The following GRIN2A variants were observed in gnomAD, a reference collection of about 807,000 sequenced individuals.
GRIN2A encodes glutamate receptor ionotropic, NMDA 2A.
GRIN2A carries 22 observed loss-of-function variants against 113.4 expected under a neutral mutation model. That is an observed-to-expected ratio of 0.19 (90% CI 0.14 to 0.28). The LOEUF (loss-of-function observed/expected upper bound fraction) is 0.28, where lower values mean the gene tolerates loss of function less well. Ranked by LOEUF, GRIN2A falls within the 10% of genes least tolerant of loss-of-function variation. GRIN2A has a pLI of 1.00. For synonymous variants in GRIN2A, 827 were observed against 738.4 expected (o/e 1.12, Z -1.94); for missense variants, 1,502 against 1,887.0 (o/e 0.80, Z 3.78).
At chr16:9,944,598 A>G (rs1384312870) in intron 2 of GRIN2A, among the ~76,000 whole-genome samples, 1 of 152,170 alleles carries the variant, frequency 6.6e-6, no homozygotes, top group Non-Finnish European at 1.5e-5. Context: ...AAAGATTTTA[A>G]TCTGGATCGT....
intron 5 of GRIN2A, among the ~76,000 whole-genome samples, chr16:9,842,331 A>G (rs1381666081): frequency 6.6e-6 from 1 of 152,242 alleles, no homozygotes; most frequent in African/African-American, 2.4e-5. Context: ...TAGACAATTC[A>G]CATAAGATCA....
At chr16:10,013,932 A>C (rs1375893314) in intron 2 of GRIN2A, among the ~76,000 whole-genome samples, 1 of 152,176 alleles carries the variant, frequency 6.6e-6, no homozygotes. Flanking sequence ...TCCTCAACGA[A>C]GCCGTCTCAG....
chr16:9,850,818 A>G (rs532382251), intron 4 of GRIN2A, among the ~76,000 whole-genome samples: 7 of 152,306 alleles, frequency 4.6e-5, no homozygotes, highest in Admixed American at 3.9e-4. Flanking sequence ...ATCTTAGTGC[A>G]ATCAAATTGA....
intron 2 of GRIN2A, among the ~76,000 whole-genome samples, chr16:10,041,258 G>C (rs2047162611): frequency 6.6e-6 from 1 of 152,192 alleles, no homozygotes; most frequent in African/African-American, 2.4e-5. Flanking sequence ...ATAACGCAGA[G>C]TAGGAATTCC....
chr16:9,874,814 G>A (rs571242651), intron 4 of GRIN2A, among the ~76,000 whole-genome samples: 36 of 152,054 alleles, frequency 2.4e-4, no homozygotes, highest in African/African-American at 8.4e-4. Context: ...GGCTGGGCAC[G>A]GTAGCTCATG....
chr16:10,095,028 G>A (rs986403778), intron 2 of GRIN2A, among the ~76,000 whole-genome samples: 11 of 152,012 alleles, frequency 7.2e-5, no homozygotes, highest in Admixed American at 4.6e-4. Context: ...GAGGTCATAA[G>A]AGTAGGACCC....
intron 2 of GRIN2A, among the ~76,000 whole-genome samples, chr16:10,009,944 T>C (rs2046475528): frequency 6.6e-6 from 1 of 152,312 alleles, no homozygotes; most frequent in African/African-American, 2.4e-5. Context: ...ACAATGAAAC[T>C]GGAACTGAGG....
At chr16:9,965,465 T>C (rs17670396) in intron 2 of GRIN2A, among the ~76,000 whole-genome samples, 14,224 of 152,234 alleles carry the variant, frequency 0.093, 738 homozygotes, top group African/African-American at 0.12. Flanking sequence ...TGGGCTGAGC[T>C]ATAGAATAAG....
intron 3 of GRIN2A, among the ~76,000 whole-genome samples, chr16:9,913,641 G>GT (rs1426783884): frequency 1.3e-5 from 2 of 152,168 alleles, no homozygotes; most frequent in Non-Finnish European, 2.9e-5. Flanking sequence ...AATTGAGAGA[G>GT]TGTTTGCATG....
chr16:9,872,097 A>C (rs2043273202), intron 4 of GRIN2A, among the ~76,000 whole-genome samples: 1 of 152,200 alleles, frequency 6.6e-6, no homozygotes, highest in Non-Finnish European at 1.5e-5. Flanking sequence ...CTGACTCACA[A>C]AAAGCATTTA....
rs1273875562 is a variant in GRIN2A at position 9,763,120 on chromosome 16, C to A, written c.*29G>T. On this transcript the variant is annotated 3_prime_UTR_variant, in exon 13 of 13. Coordinates refer to ENST00000330684, the MANE Select transcript of GRIN2A (RefSeq NM_001134407.3). ...GAACATTGGCCATTACGTATATTTC[C>A]CTATAGATAAAACATTAATGGAAGA... 4 of 1,605,832 alleles carry A rather than the reference C, an allele frequency of 2.5e-6. No homozygotes were observed. Among genetic ancestry groups the A allele is most frequent in the Non-Finnish European group, 3.4e-6 (4 of 1,173,480 alleles).
intron 3 of GRIN2A, among the ~76,000 whole-genome samples, chr16:9,912,356 G>A (rs561586139): frequency 4.3e-4 from 66 of 151,986 alleles, no homozygotes; most frequent in South Asian, 1.5e-3. Context: ...TACCAATGTC[G>A]GCATCATTTA....
At chr16:10,034,547 A>C (rs1387415107) in intron 2 of GRIN2A, among the ~76,000 whole-genome samples, 2 of 148,944 alleles carry the variant, frequency 1.3e-5, no homozygotes, top group African/African-American at 4.9e-5. Context: ...AAAAAAAAAA[A>C]AAAAAAAAAA....
chr16:9,825,405 T>C (rs560692248), intron 9 of GRIN2A, among the ~76,000 whole-genome samples: 15 of 152,200 alleles, frequency 9.9e-5, no homozygotes, highest in African/African-American at 3.6e-4. Flanking sequence ...AACAGAGGAT[T>C]ATTTTCTAAT....
chr16:10,039,343 C>G (rs1297836866), intron 2 of GRIN2A, among the ~76,000 whole-genome samples: 2 of 152,214 alleles, frequency 1.3e-5, no homozygotes, highest in African/African-American at 4.8e-5. Context: ...ATGAACTGCA[C>G]TCCAAACCTG....
At chr16:10,104,552 G>A (rs2048458603) in intron 2 of GRIN2A, among the ~76,000 whole-genome samples, 1 of 152,138 alleles carries the variant, frequency 6.6e-6, no homozygotes, top group South Asian at 2.1e-4. Flanking sequence ...CTTGCATATG[G>A]AAAGCTTGCA....
chr16:10,170,855 C>A (rs2050027319), intron 2 of GRIN2A, among the ~76,000 whole-genome samples: 1 of 145,728 alleles, frequency 6.9e-6, no homozygotes, highest in Non-Finnish European at 1.5e-5. Context: ...CCAGCCTGGG[C>A]AACAGAGTGA....
At chr16:9,967,475 G>A (rs2045578871) in intron 2 of GRIN2A, among the ~76,000 whole-genome samples, 1 of 152,222 alleles carries the variant, frequency 6.6e-6, no homozygotes, top group Non-Finnish European at 1.5e-5. Context: ...GGAGGCCAAG[G>A]CGGGTGGATC....
chr16:10,076,610 C>T (rs13331465), intron 2 of GRIN2A, among the ~76,000 whole-genome samples: 21,213 of 152,090 alleles, frequency 0.14, 1,994 homozygotes, highest in African/African-American at 0.27. Context: ...AGAGCACTCT[C>T]TGGGGTGTGG....
Sources: allele counts gnomAD v4.1 joint callset (sites outside exome capture counted in the v4.1 genomes callset), GRCh38; gene constraint gnomAD v4.1.1; transcripts MANE v1.5; gene names NCBI Gene and HGNC (gene_info 2026-07-23, HGNC 2026-07-21).